ACYP2: variants seen among roughly 807,000 people sequenced by gnomAD.
ACYP2 encodes acylphosphatase-2.
A neutral mutation model predicts 11.2 loss-of-function variants in ACYP2; 12 were observed. The observed-to-expected ratio is 1.08, with a 90% CI of 0.69 to 1.74. The LOEUF is 1.74. Among genes scored for constraint, ACYP2 ranks in the 40% most tolerant of loss-of-function variants. The probability of loss-of-function intolerance (pLI) is 0.00; values close to 1 mark genes in which losing one functional copy is unlikely to be tolerated. For synonymous variants in ACYP2, 43 were observed against 32.2 expected (o/e 1.33, Z -1.13); for missense variants, 134 against 101.9 (o/e 1.31, Z -1.35).
Position 54,208,196 on chromosome 2 carries a change from A to C in ACYP2, c.404+69448A>C, listed in dbSNP as rs185682857. ...TCTTCTGTAATTCAGTTCACACTAA[A>C]AAAAAAAAAACTTTTTATTTCCCCC... On this transcript the variant is annotated intron_variant, in intron 6 of 6. Coordinates refer to ENST00000607452, the MANE Select transcript of ACYP2 (RefSeq NM_001320586.2). Among the ~76,000 whole-genome samples, 226 of 151,976 alleles carry C rather than the reference A, an allele frequency of 1.5e-3. 1 individual carries two copies. Among genetic ancestry groups the C allele is most frequent in the Middle Eastern group, 0.01 (3 of 294 alleles).
chr2:53,991,895 G>C (rs1573464209), intron 2 of ACYP2, among the ~76,000 whole-genome samples: 1 of 151,942 alleles, frequency 6.6e-6, no homozygotes, highest in African/African-American at 2.4e-5. Flanking sequence ...TCGAGCTCTT[G>C]GCCTAAAGCA....
intron 2 of ACYP2, among the ~76,000 whole-genome samples, chr2:53,977,520 G>C (rs544198270): frequency 6.6e-6 from 1 of 151,328 alleles, no homozygotes; most frequent in South Asian, 2.1e-4. Context: ...AGATCACGAG[G>C]TCAAGAGTTT....
intron 6 of ACYP2, among the ~76,000 whole-genome samples, chr2:54,290,285 G>A (rs1245737619): frequency 2.6e-5 from 4 of 152,018 alleles, no homozygotes; most frequent in African/African-American, 9.7e-5. Context: ...TGAAGACGTG[G>A]TTTTTATAAC....
intron 4 of ACYP2, among the ~76,000 whole-genome samples, chr2:54,100,593 G>A (rs1285144144): frequency 6.6e-6 from 1 of 151,856 alleles, no homozygotes; most frequent in East Asian, 1.9e-4. Context: ...ATAGGGACGA[G>A]TCACCACACC....
chr2:54,231,943 C>T (rs1252251933), intron 6 of ACYP2, among the ~76,000 whole-genome samples: 2 of 152,276 alleles, frequency 1.3e-5, no homozygotes, highest in East Asian at 3.9e-4. Flanking sequence ...ATTTTGGTTT[C>T]TGACTTTCTA....
intron 6 of ACYP2, among the ~76,000 whole-genome samples, chr2:54,162,368 CT>C (rs1682757416): frequency 6.6e-6 from 1 of 152,144 alleles, no homozygotes; most frequent in South Asian, 2.1e-4. Context: ...CATTTTGCTG[CT>C]GCTTCTTTTT....
intron 4 of ACYP2, among the ~76,000 whole-genome samples, chr2:54,098,189 G>C (rs1678699325): frequency 6.6e-6 from 1 of 151,928 alleles, no homozygotes; most frequent in Non-Finnish European, 1.5e-5. Context: ...GGCTGGTCTT[G>C]AGCTCCTGAC....
At chr2:54,173,780 A>G (rs540599652) in intron 6 of ACYP2, among the ~76,000 whole-genome samples, 2 of 152,296 alleles carry the variant, frequency 1.3e-5, no homozygotes, top group East Asian at 3.9e-4. Flanking sequence ...TTCCAGCACC[A>G]TTTATTAAAT....
chr2:54,181,088 CA>C (rs1205678847), intron 6 of ACYP2, among the ~76,000 whole-genome samples: 2 of 152,248 alleles, frequency 1.3e-5, no homozygotes, highest in East Asian at 3.9e-4. Context: ...TCATTGTATT[CA>C]AAACATATTT....
chr2:54,111,604 C>A (rs969427648), intron 4 of ACYP2, among the ~76,000 whole-genome samples: 2 of 152,234 alleles, frequency 1.3e-5, no homozygotes, highest in African/African-American at 4.8e-5. Flanking sequence ...TTCTGGGAAA[C>A]CAGCTACTTG....
At chr2:54,147,266 AG>A (rs149530384) in intron 6 of ACYP2, among the ~76,000 whole-genome samples, 14,254 of 152,192 alleles carry the variant, frequency 0.094, 820 homozygotes, top group Non-Finnish European at 0.13. Context: ...AACAATAAGC[AG>A]GACTTAAGGA....
At chr2:54,202,706 CTTTTTTTTTTTTTTTTTTTTTTTTTTTT>C (rs70944152) in intron 6 of ACYP2, among the ~76,000 whole-genome samples, 1 of 43,082 alleles carries the variant, frequency 2.3e-5, no homozygotes, top group African/African-American at 8.5e-5. Flanking sequence ...CGGCGCCTGG[CTTTTTTTTTTTTTTTTTTTTTTTTTTTT>C]TTTTTTTTTT....
intron 4 of ACYP2, among the ~76,000 whole-genome samples, chr2:54,122,143 C>T (rs532070148): frequency 6.6e-6 from 1 of 152,278 alleles, no homozygotes; most frequent in Admixed American, 6.5e-5. Context: ...TCACTTCCTG[C>T]ATTCAAAATT....
chr2:54,180,729 A>AT (rs1461557348), intron 6 of ACYP2, among the ~76,000 whole-genome samples: 2 of 151,770 alleles, frequency 1.3e-5, no homozygotes, highest in African/African-American at 2.4e-5. Flanking sequence ...TAATTTTTGT[A>AT]TTTTTTTGTA....
chr2:54,302,451 T>C (rs1689762315), intron 6 of ACYP2, among the ~76,000 whole-genome samples: 1 of 152,200 alleles, frequency 6.6e-6, no homozygotes, highest in Non-Finnish European at 1.5e-5. Flanking sequence ...CTGCCTTTCC[T>C]GGTTCTTCCT....
chr2:54,215,614 A>G (rs554583648), intron 6 of ACYP2, among the ~76,000 whole-genome samples: 2 of 152,300 alleles, frequency 1.3e-5, no homozygotes, highest in South Asian at 4.1e-4. Flanking sequence ...TTGGGCATAT[A>G]TTCTTCCAGA....
chr2:54,065,683 C>G (rs1676707725), intron 4 of ACYP2: 4 of 394,528 alleles, frequency 1.0e-5, no homozygotes, highest in East Asian at 7.2e-5. Flanking sequence ...GCTCCTTACA[C>G]ATATTGGTGA....
At chr2:54,123,631 CT>C (rs997309636) in intron 4 of ACYP2, among the ~76,000 whole-genome samples, 2 of 152,152 alleles carry the variant, frequency 1.3e-5, no homozygotes, top group Admixed American at 6.5e-5. Flanking sequence ...CCATTCCCCA[CT>C]TCTTCCTCCA....
In ACYP2 at chr2:54,138,447, A is replaced by T. The variant is rs192274474; in HGVS notation, c.295-192A>T. Among the ~76,000 whole-genome samples the T allele has an allele frequency of 7.6e-4, 116 of 152,326 alleles. 1 individual carries two copies. The highest frequency in any genetic ancestry group is 2.7e-3 in the African/African-American group (114 of 41,572). ...GTGGAATTGTTTTTACTGAAAGTGA[A>T]ATTTAACAAAAGATACCATTTATGT... is the stretch of plus-strand genomic sequence containing the variant. On this transcript the variant is annotated intron_variant, in intron 5 of 6. Coordinates refer to ENST00000607452, the MANE Select transcript of ACYP2 (RefSeq NM_001320586.2).
Sources: allele counts gnomAD v4.1 joint callset (sites outside exome capture counted in the v4.1 genomes callset), GRCh38; gene constraint gnomAD v4.1.1; transcripts MANE v1.5; gene names NCBI Gene and HGNC (gene_info 2026-07-23, HGNC 2026-07-21).